CACNG3: variants seen among roughly 807,000 people sequenced by gnomAD.
CACNG3 encodes voltage-dependent calcium channel gamma-3 subunit.
Under a neutral mutation model 28.5 loss-of-function variants are expected in CACNG3, and 3 were observed. That is an observed-to-expected ratio of 0.11 (90% CI 0.05 to 0.27). The LOEUF (loss-of-function observed/expected upper bound fraction) is 0.27. Among genes scored for constraint, CACNG3 ranks in the 10% least tolerant of loss-of-function variants. The pLI is 1.00. For synonymous variants in CACNG3, 174 were observed against 162.2 expected (o/e 1.07, Z -0.55); for missense variants, 236 against 414.4 (o/e 0.57, Z 3.74).
chr16:24,326,641 G>A (rs1899549202), intron 1 of CACNG3, among the ~76,000 whole-genome samples: 2 of 152,178 alleles, frequency 1.3e-5, no homozygotes, highest in Admixed American at 6.5e-5. Flanking sequence ...CTGTAGCCAG[G>A]AGAATTTAGA....
At chr16:24,271,878 G>A (rs1898695988) in intron 1 of CACNG3, among the ~76,000 whole-genome samples, 1 of 152,060 alleles carries the variant, frequency 6.6e-6, no homozygotes, top group Non-Finnish European at 1.5e-5. Context: ...GGTGCCCCTG[G>A]TTCACAGTAG....
At chr16:24,304,631 T>C (rs1470916322) in intron 1 of CACNG3, among the ~76,000 whole-genome samples, 1 of 152,176 alleles carries the variant, frequency 6.6e-6, no homozygotes, top group Non-Finnish European at 1.5e-5. Context: ...TGGAGTGCAG[T>C]AGCGCAATCT....
chr16:24,275,824 G>A (rs1898745527), intron 1 of CACNG3, among the ~76,000 whole-genome samples: 1 of 152,232 alleles, frequency 6.6e-6, no homozygotes, highest in Admixed American at 6.5e-5. Context: ...ATAACTCAGT[G>A]AAACAATACT....
chr16:24,317,660 G>GAAAGGA (rs1899393370), intron 1 of CACNG3, among the ~76,000 whole-genome samples: 3 of 78,344 alleles, frequency 3.8e-5, no homozygotes, highest in African/African-American at 1.8e-4. Context: ...AAGAAAGAAA[G>GAAAGGA]AAAGAAAGAA....
chr16:24,345,597 G>C (rs144214223), intron 1 of CACNG3, among the ~76,000 whole-genome samples: 443 of 152,348 alleles, frequency 2.9e-3, no homozygotes, highest in African/African-American at 0.01. Flanking sequence ...TTACTCGGGA[G>C]GCTGAGGCAG....
chr16:24,317,846 C>A (rs1012026375), intron 1 of CACNG3, among the ~76,000 whole-genome samples: 1 of 152,186 alleles, frequency 6.6e-6, no homozygotes, highest in Non-Finnish European at 1.5e-5. Context: ...GGATTCTGCA[C>A]CCCCTGAAGC....
At chr16:24,298,852 A>T (rs368562321) in intron 1 of CACNG3, among the ~76,000 whole-genome samples, 1 of 152,068 alleles carries the variant, frequency 6.6e-6, no homozygotes, top group East Asian at 1.9e-4. Context: ...ATATCCCTCA[A>T]TTTGCCTTGG....
chr16:24,305,286 G>GTA (rs113273129), intron 1 of CACNG3, among the ~76,000 whole-genome samples: 2,068 of 147,892 alleles, frequency 0.014, 46 homozygotes, highest in African/African-American at 0.047. Flanking sequence ...AAACTAAAAA[G>GTA]TATATATATA....
chr16:24,353,792 C>T (rs144096880), intron 2 of CACNG3, among the ~76,000 whole-genome samples: 88 of 152,302 alleles, frequency 5.8e-4, no homozygotes, highest in African/African-American at 2.0e-3. Flanking sequence ...AATGTAGATG[C>T]GTGCAGGGAA....
At chr16:24,358,221 C>T (rs571553153) in intron 3 of CACNG3, among the ~76,000 whole-genome samples, 9 of 152,364 alleles carry the variant, frequency 5.9e-5, no homozygotes, top group Middle Eastern at 3.4e-3. Context: ...GCACCTACTA[C>T]GTGTCAGATA....
intron 1 of CACNG3, among the ~76,000 whole-genome samples, chr16:24,311,067 C>T (rs1308181246): frequency 6.6e-6 from 1 of 152,184 alleles, no homozygotes; most frequent in Non-Finnish European, 1.5e-5. Context: ...TCCCCATTAA[C>T]CACAGTGTGA....
intron 2 of CACNG3, among the ~76,000 whole-genome samples, chr16:24,348,924 C>A (rs1899905483): frequency 6.6e-6 from 1 of 152,214 alleles, no homozygotes; most frequent in South Asian, 2.1e-4. Flanking sequence ...GCTTTTCTGA[C>A]AAAGTATTTT....
rs1277366642 is a variant in CACNG3 at position 24,322,192 on chromosome 16, T to G, written c.212-24542T>G. ...TCACCCCCACCCTGTGCCCCGCTGA[T>G]GACTCTCACTCTCCCATTTGGATTG... On this transcript the variant is annotated intron_variant, in intron 1 of 3. Transcript: ENST00000005284. Among the ~76,000 whole-genome samples, 6 of 152,166 alleles carry G rather than the reference T, an allele frequency of 3.9e-5. No homozygotes were observed. In the East Asian group the frequency reaches 1.2e-3, roughly 29 times the overall value.
In CACNG3 at chr16:24,338,144, G is replaced by A. The variant is rs536971423; in HGVS notation, c.212-8590G>A. 1.4e-4 allele frequency among the ~76,000 whole-genome samples: 22 copies of A among 151,992 alleles called. 1 individual carries two copies. The South Asian group carries it at 3.5e-3, about 24-fold the overall frequency. On this transcript the variant is annotated intron_variant, in intron 1 of 3. Transcript: ENST00000005284. ...CTCACCAAGTTCACTCTCGCCCCAG[G>A]GTCTTTGCATTTCCATTTCCTTCTA...
At chr16:24,358,196 A>G (rs1900061303) in intron 3 of CACNG3, among the ~76,000 whole-genome samples, 1 of 152,250 alleles carries the variant, frequency 6.6e-6, no homozygotes, top group African/African-American at 2.4e-5. Context: ...AAAAGAGAAA[A>G]CAATTCTTAA....
chr16:24,323,305 C>G (rs1211353945), intron 1 of CACNG3, among the ~76,000 whole-genome samples: 1 of 150,472 alleles, frequency 6.6e-6, no homozygotes, highest in Non-Finnish European at 1.5e-5. Flanking sequence ...ATCAGATGGT[C>G]AGAACTTCCT....
intron 1 of CACNG3, among the ~76,000 whole-genome samples, chr16:24,315,558 T>G (rs949461213): frequency 1.3e-5 from 2 of 151,610 alleles, no homozygotes; most frequent in Non-Finnish European, 2.9e-5. Flanking sequence ...CTTTTCTTCT[T>G]TCTTTCTTTT....
At chr16:24,266,226 G>A (rs1898607078) in intron 1 of CACNG3, among the ~76,000 whole-genome samples, 1 of 152,194 alleles carries the variant, frequency 6.6e-6, no homozygotes, top group African/African-American at 2.4e-5. Context: ...GAACACTATA[G>A]ATAAGTTTGA....
intron 2 of CACNG3, among the ~76,000 whole-genome samples, chr16:24,351,582 G>A (rs1340646031): frequency 9.0e-6 from 1 of 111,440 alleles, no homozygotes. Context: ...AAAGGGAAGG[G>A]AAGAGGAAGG....
Sources: allele counts gnomAD v4.1 joint callset (sites outside exome capture counted in the v4.1 genomes callset), GRCh38; gene constraint gnomAD v4.1.1; transcripts MANE v1.5; gene names NCBI Gene and HGNC (gene_info 2026-07-23, HGNC 2026-07-21).